Variants in NIPBL observed in about 807,000 individuals in gnomAD.
NIPBL encodes the protein nipped-B-like protein.
A neutral mutation model predicts 321.8 loss-of-function variants in NIPBL; 19 were observed. The observed-to-expected ratio is 0.06, with a 90% CI of 0.04 to 0.09. The LOEUF (loss-of-function observed/expected upper bound fraction) is 0.09. Ranked by LOEUF, NIPBL falls within the 10% of genes least tolerant of loss-of-function variation. NIPBL has a pLI of 1.00. For missense variants in NIPBL, 2,210 were observed against 3,327.0 expected, an observed-to-expected ratio of 0.66 and a Z score of 8.26; for synonymous variants, 1,106 against 1,114.1, an observed-to-expected ratio of 0.99 and a Z score of 0.14.
chr5:36,959,091 C>A (rs1741310868), intron 4 of NIPBL, among the ~76,000 whole-genome samples: 1 of 152,066 alleles, frequency 6.6e-6, no homozygotes, highest in Non-Finnish European at 1.5e-5. Context: ...CCTGTAGTCC[C>A]AGCTACTTGG....
At chr5:36,900,984 T>C (rs1366785004) in intron 1 of NIPBL, among the ~76,000 whole-genome samples, 1 of 152,186 alleles carries the variant, frequency 6.6e-6, no homozygotes, top group Non-Finnish European at 1.5e-5. Flanking sequence ...GGGGTACATG[T>C]GCAGGTTTGT....
At chr5:36,961,136 G>A (rs1040791119) in intron 4 of NIPBL, among the ~76,000 whole-genome samples, 2 of 152,084 alleles carry the variant, frequency 1.3e-5, no homozygotes, top group Non-Finnish European at 2.9e-5. Flanking sequence ...CCTGAGTCCC[G>A]TTGTAGAAGG....
rs180747605 is a variant in NIPBL at position 36,986,083 on chromosome 5, A to G, written c.2903A>G (p.Asn968Ser). ...AAAATCAAGAGGGATAAAGATGGCA[A>G]TGTTACTCAGGAGACAAAGAAAATG... The part of the protein sequence containing the change: ...IPKIKRDKDG[N>S]VTQETKKMEM... The change falls in exon 10 of 47, where the codon AAT (asparagine) becomes AGT (serine). Residue 968 changes from asparagine to serine, a missense_variant. Asn to Ser is a conservative substitution (Grantham distance 46, BLOSUM62 1). Transcript: ENST00000282516. 292 of 1,614,012 alleles carry G rather than the reference A, an allele frequency of 1.8e-4. No individual in the cohort carries two copies. Among genetic ancestry groups the G allele is most frequent in the Admixed American group, 4.8e-4 (29 of 59,966 alleles).
chr5:36,924,114 CAT>C lies in NIPBL; in HGVS notation c.-79-29502_-79-29501del, dbSNP rs530497502. Among the ~76,000 whole-genome samples, 446 of 152,250 alleles carry C rather than the reference CAT, an allele frequency of 2.9e-3. 3 individuals are homozygous for C. The highest frequency in any genetic ancestry group is 0.01 in the African/African-American group (431 of 41,558). ...TGATTAATCAAACTAAATCAGATAA[CAT>C]AGAACTCAATGAATATAGCTCTTAA... On this transcript the variant is annotated intron_variant, in intron 1 of 46. Transcript: ENST00000282516.
At chr5:36,986,423 G>T (rs1041252768) in intron 10 of NIPBL, 122 bp downstream of exon 10, 1 of 680,132 alleles carries the variant, frequency 1.5e-6, no homozygotes, top group Non-Finnish European at 2.1e-6. Context: ...TAACATTTAT[G>T]TCAAACAACA....
At chr5:36,877,243 C>T in intron 1 of NIPBL, 65 bp downstream of exon 1, 1 of 177,624 alleles carries the variant, frequency 5.6e-6, no homozygotes, top group Non-Finnish European at 1.2e-5. Flanking sequence ...CTCAGCGTCT[C>T]TCCTCCTCGC....
At chr5:37,011,304 C>T (rs538256180) in intron 21 of NIPBL, among the ~76,000 whole-genome samples, 2 of 152,132 alleles carry the variant, frequency 1.3e-5, no homozygotes, top group South Asian at 4.2e-4. Flanking sequence ...GCCCATAATC[C>T]CAGCACTTTG....
chr5:37,058,806 CT>C, intron 43 of NIPBL, 84 bp from the exon 44 acceptor site: 1 of 1,245,014 alleles, frequency 8.0e-7, no homozygotes, highest in Non-Finnish European at 1.1e-6. Flanking sequence ...TTTAAGGAAG[CT>C]TTTTCAAGCT....
chr5:37,045,765 C>T (rs1363466622), intron 37 of NIPBL, among the ~76,000 whole-genome samples, 168 bp downstream of exon 37: 2 of 152,174 alleles, frequency 1.3e-5, no homozygotes, highest in African/African-American at 4.8e-5. Flanking sequence ...GGCTGCTAAT[C>T]CATCAACTTT....
At chr5:37,016,582 T>C (rs1749026670) in intron 23 of NIPBL, among the ~76,000 whole-genome samples, 1 of 152,170 alleles carries the variant, frequency 6.6e-6, no homozygotes, top group African/African-American at 2.4e-5. Flanking sequence ...CAAAGAAATG[T>C]TGTGACTCTA....
intron 33 of NIPBL, among the ~76,000 whole-genome samples, 170 bp from the exon 34 acceptor site, chr5:37,038,432 G>C (rs1363544885): frequency 2.0e-5 from 3 of 152,056 alleles, no homozygotes; most frequent in African/African-American, 7.2e-5. Context: ...CTATATCAAA[G>C]AAAAAATGAG....
chr5:37,063,780 T>A lies in NIPBL; in HGVS notation c.7861-10T>A. The A allele has an allele frequency of 6.2e-7, 1 of 1,608,884 alleles. No homozygotes were observed. Among genetic ancestry groups the A allele is most frequent in the Non-Finnish European group, 8.5e-7 (1 of 1,177,050 alleles). On this transcript the variant is annotated splice_polypyrimidine_tract_variant and intron_variant, in intron 45 of 46. Coordinates refer to ENST00000282516, the MANE Select transcript of NIPBL (RefSeq NM_133433.4). Reference sequence around the variant, plus strand: ...ACTTAAAATTCTGAAATAATATCTGTTTTTTGTAGTTCAAACTTCTCATGG... The same window carrying A: ...ACTTAAAATTCTGAAATAATATCTGATTTTTGTAGTTCAAACTTCTCATGG...
intron 6 of NIPBL, among the ~76,000 whole-genome samples, chr5:36,963,905 C>T (rs1304587779): frequency 6.6e-6 from 1 of 151,962 alleles, no homozygotes; most frequent in African/African-American, 2.4e-5. Context: ...CTCAAGTACA[C>T]AAAAGTCTGA....
chr5:36,967,333 G>C (rs981894984), intron 6 of NIPBL, among the ~76,000 whole-genome samples: 1 of 152,074 alleles, frequency 6.6e-6, no homozygotes, highest in African/African-American at 2.4e-5. Flanking sequence ...GTGTTTGACA[G>C]TATCTATCAT....
chr5:37,013,536 C>T (rs1206818282), intron 21 of NIPBL, among the ~76,000 whole-genome samples: 3 of 151,050 alleles, frequency 2.0e-5, no homozygotes, highest in African/African-American at 7.3e-5. Flanking sequence ...TCAGACGGGG[C>T]GGTCGGGCAG....
At chr5:36,899,422 AT>A (rs1374937601) in intron 1 of NIPBL, among the ~76,000 whole-genome samples, 1 of 152,058 alleles carries the variant, frequency 6.6e-6, no homozygotes, top group Non-Finnish European at 1.5e-5. Flanking sequence ...GAATTTTTAT[AT>A]CATTTGCTTT....
rs971530572 is a variant in NIPBL at position 37,035,454 on chromosome 5, T to C, written c.5863-925T>C. ...GTTACTCTGGTTGCTGTCAGTTGTT[T>C]TAATCATTTATGCATCTTGTGGGGA... On this transcript the variant is annotated intron_variant, in intron 32 of 46. Transcript: ENST00000282516. Among the ~76,000 whole-genome samples, 10 of 152,222 alleles carry C rather than the reference T, an allele frequency of 6.6e-5. 1 individual carries two copies. Among genetic ancestry groups the C allele is most frequent in the Admixed American group, 6.5e-4 (10 of 15,280 alleles).
intron 23 of NIPBL, among the ~76,000 whole-genome samples, chr5:37,016,756 G>A (rs1405280005): frequency 1.3e-5 from 2 of 152,026 alleles, no homozygotes; most frequent in Admixed American, 1.3e-4. Context: ...ACCACATTTT[G>A]TGCAAATAAT....
intron 1 of NIPBL, among the ~76,000 whole-genome samples, chr5:36,923,483 A>T (rs1322851717): frequency 2.0e-5 from 3 of 152,198 alleles, no homozygotes; most frequent in Non-Finnish European, 4.4e-5. Flanking sequence ...AGTTATTATT[A>T]AAAACACTTA....
Sources: allele counts gnomAD v4.1 joint callset (sites outside exome capture counted in the v4.1 genomes callset), GRCh38; gene constraint gnomAD v4.1.1; transcripts MANE v1.5; gene names NCBI Gene and HGNC (gene_info 2026-07-23, HGNC 2026-07-21).